The following GBP3 variants were observed in gnomAD, a reference collection of about 807,000 sequenced individuals.
GBP3 encodes the protein guanylate-binding protein 3.
In GBP3, 55 loss-of-function variants were observed where a neutral mutation model predicts 62.4. The observed-to-expected ratio is 0.88, with a 90% CI of 0.71 to 1.10. The LOEUF (loss-of-function observed/expected upper bound fraction) is 1.10, where lower values mean the gene tolerates loss of function less well. Ranked by LOEUF, GBP3 falls within the 50% of genes least tolerant of loss-of-function variation. GBP3 has a pLI of 0.00. For synonymous variants in GBP3, 208 were observed against 259.2 expected (o/e 0.80, Z 1.90); for missense variants, 605 against 690.6 (o/e 0.88, Z 1.39).
At chr1:89,010,564 A>G (rs756618454) in intron 8 of GBP3, among the ~76,000 whole-genome samples, 2 of 138,260 alleles carry the variant, frequency 1.4e-5, no homozygotes, top group Non-Finnish European at 3.3e-5. Context: ...AGGCATGTGC[A>G]ACAGTGCCCA....
At chr1:89,009,200 C>T in intron 9 of GBP3, 60 bp from the exon 10 acceptor site, 1 of 1,531,528 alleles carries the variant, frequency 6.5e-7, no homozygotes. Flanking sequence ...CTTAGTTATA[C>T]ACTTACCCTC....
chr1:89,016,225 T>C (rs149889105), intron 2 of GBP3, among the ~76,000 whole-genome samples: 20 of 152,258 alleles, frequency 1.3e-4, no homozygotes, highest in African/African-American at 4.6e-4. Context: ...AGAATAAAAT[T>C]GGCCAGGCAC....
intron 2 of GBP3, 130 bp downstream of exon 2, chr1:89,020,402 A>C: frequency 9.7e-7 from 1 of 1,030,298 alleles, no homozygotes; most frequent in South Asian, 1.4e-5. Context: ...AGTGAAGATA[A>C]GGAGCCCAAC....
chr1:89,020,220 A>G (rs1032430096), intron 2 of GBP3: 10 of 403,070 alleles, frequency 2.5e-5, no homozygotes, highest in Non-Finnish European at 4.8e-5. Flanking sequence ...GCCTGGGGAA[A>G]GAGCAAGACC....
intron 10 of GBP3, 76 bp downstream of exon 10, chr1:89,008,871 T>C (rs775041863): frequency 1.6e-5 from 25 of 1,605,228 alleles, no homozygotes; most frequent in Non-Finnish European, 2.1e-5. Context: ...ATGTTCGCTC[T>C]GCCATACTAA....
At chr1:89,015,000 G>A (rs751205810) in intron 3 of GBP3, among the ~76,000 whole-genome samples, 3 of 152,280 alleles carry the variant, frequency 2.0e-5, no homozygotes, top group East Asian at 1.9e-4. Context: ...GATAGGACTC[G>A]TGACATTGGA....
chr1:89,022,214 G>A (rs142140379), intron 1 of GBP3, among the ~76,000 whole-genome samples: 3 of 152,226 alleles, frequency 2.0e-5, no homozygotes, highest in African/African-American at 7.2e-5. Flanking sequence ...GTCTATAACC[G>A]TGTCAGTGGG....
At position 89,020,594 on chromosome 1, in the gene GBP3, A is replaced by G. The variant is rs991500788; in HGVS notation, c.128T>C (p.Ile43Thr). 9 of 1,614,012 alleles carry G rather than the reference A, an allele frequency of 5.6e-6. No homozygotes were observed. Among genetic ancestry groups the G allele is most frequent in the African/African-American group, 5.3e-5 (4 of 74,912 alleles). The change falls in exon 2 of 11, where the codon ATT (isoleucine) becomes ACT (threonine). Residue 43 changes from isoleucine (I) to threonine (T), a missense_variant. Physicochemically the swap from Ile to Thr is moderately conservative, Grantham distance 89 (BLOSUM62 -1). This residue lies in a region of GBP3 where 308 missense variants were observed against 318.0 expected (regional missense o/e 0.97). Transcript: ENST00000370481. ...AITQPVVVVAIVGLYRTGKSY... is the reference protein window; with the variant it reads ...AITQPVVVVATVGLYRTGKSY... ...TTTTCCTGTGCGGTAGAGGCCCACA[A>G]TTGCCACCACCACCACAGGCTGTGT...
At chr1:89,008,807 C>G in intron 10 of GBP3, 140 bp downstream of exon 10, 1 of 1,471,460 alleles carries the variant, frequency 6.8e-7, no homozygotes, top group Non-Finnish European at 9.0e-7. Context: ...TCAAGTCAGA[C>G]AGACAGAAAC....
chr1:89,007,595 G>T lies in GBP3; in HGVS notation c.*129C>A, dbSNP rs1458351267. 4.8e-6 allele frequency: 4 copies of T among 838,208 alleles called. No individual in the cohort carries two copies. In the African/African-American group the frequency reaches 5.1e-5, roughly 11 times the overall value. 51.9% of individuals were successfully genotyped at this position (838,208 alleles called of 1,614,324 possible). A position where few individuals can be genotyped will look rare whatever the true frequency, so the allele number is the denominator to read the frequency against. The stretch of plus-strand genomic sequence containing the variant: ...AAAACATGATTTTGATCATTGAACT[G>T]CATGTTCTTGTAAACTTTTAGTGTT... On this transcript the variant is annotated 3_prime_UTR_variant, in exon 11 of 11. Transcript: ENST00000370481.
chr1:89,007,590 G>T lies in GBP3; in HGVS notation c.*134C>A. The T allele has an allele frequency of 1.2e-6, 1 of 810,220 alleles. No homozygotes were observed. Among genetic ancestry groups the T allele is most frequent in the Non-Finnish European group, 2.0e-6 (1 of 509,300 alleles). 50.2% of individuals were successfully genotyped at this position (810,220 alleles called of 1,614,324 possible). A position where few individuals can be genotyped will look rare whatever the true frequency, so the allele number is the denominator to read the frequency against. On this transcript the variant is annotated 3_prime_UTR_variant, in exon 11 of 11. Coordinates refer to ENST00000370481, the MANE Select transcript of GBP3 (RefSeq NM_018284.3). ...AGGAAAAAACATGATTTTGATCATT[G>T]AACTGCATGTTCTTGTAAACTTTTA...
chr1:89,009,347 T>C (rs774363421), intron 9 of GBP3, 45 bp downstream of exon 9: 3 of 1,574,476 alleles, frequency 1.9e-6, no homozygotes, highest in Non-Finnish European at 2.6e-6. Flanking sequence ...TTATTTAAAA[T>C]TTGAAAAGCT....
intron 2 of GBP3, chr1:89,020,302 A>C: frequency 3.4e-6 from 2 of 590,724 alleles, no homozygotes; most frequent in Non-Finnish European, 6.1e-6. Context: ...GAGTAGAACA[A>C]GGAGTTCAAC....
Position 89,011,158 on chromosome 1 carries a change from G to A in GBP3, c.1150-42C>T. 4 of 1,459,522 alleles carry A rather than the reference G, an allele frequency of 2.7e-6. 1 individual carries two copies. The highest frequency in any genetic ancestry group is 1.4e-5 in the African/African-American group (1 of 73,872). 90.4% of individuals were successfully genotyped at this position (1,459,522 alleles called of 1,614,324 possible). A position where few individuals can be genotyped will look rare whatever the true frequency, so the allele number is the denominator to read the frequency against. Reference sequence around the variant, plus strand: ...GGAAGTAAAAAGAGTAACAGGGAAAGGATGTTAGCTTGACCTCAGAATTTT... The same window carrying A: ...GGAAGTAAAAAGAGTAACAGGGAAAAGATGTTAGCTTGACCTCAGAATTTT... On this transcript the variant is annotated intron_variant, in intron 7 of 10. Transcript: ENST00000370481.
intron 2 of GBP3, among the ~76,000 whole-genome samples, chr1:89,017,281 G>C (rs1229862816): frequency 6.7e-6 from 1 of 148,710 alleles, no homozygotes; most frequent in African/African-American, 2.5e-5. Flanking sequence ...TACAACAAAT[G>C]ACATTGGGAA....
At chr1:89,021,544 A>C (rs12043589) in intron 1 of GBP3, among the ~76,000 whole-genome samples, 3,511 of 140,918 alleles carry the variant, frequency 0.025, 77 homozygotes, top group South Asian at 0.065. Flanking sequence ...ACACACACAC[A>C]CCCCAAAAAA....
intron 8 of GBP3, among the ~76,000 whole-genome samples, chr1:89,010,088 A>G (rs1247393491): frequency 2.0e-5 from 3 of 151,984 alleles, no homozygotes; most frequent in Non-Finnish European, 2.9e-5. Context: ...TTATAACTCA[A>G]TAGTTAATTG....
chr1:89,014,106 T>C lies in GBP3; in HGVS notation c.602A>G (p.Glu201Gly). 1 of 1,614,204 alleles carries C rather than the reference T, an allele frequency of 6.2e-7. No individual in the cohort carries two copies. The highest frequency in any genetic ancestry group is 8.5e-7 in the Non-Finnish European group (1 of 1,180,008). Residue 201 changes from glutamate to glycine, a missense_variant, in exon 5 of 11, where the codon GAG becomes GGG. By Grantham distance (98) the Glu-to-Gly change is moderately conservative. Transcript: ENST00000370481. The stretch of plus-strand genomic sequence containing the variant: ...ACCTTGCGTTAGCTTCAGGGAATAC[T>C]CCAGGTACTCATCTGGTGTGAGGGG... The part of the protein sequence containing the change: ...GQPLTPDEYL[E>G]YSLKLTQGTS...
At chr1:89,008,455 G>T (rs1678360617) in intron 10 of GBP3, among the ~76,000 whole-genome samples, 2 of 148,370 alleles carry the variant, frequency 1.3e-5, no homozygotes, top group Non-Finnish European at 3.0e-5. Flanking sequence ...GTGAGGGTTA[G>T]GGAGTCCTTC....
Sources: gnomAD v4.1 joint callset for allele counts (sites outside exome capture counted in the v4.1 genomes callset) on GRCh38, gnomAD v4.1.1 for gene constraint, gnomAD v4.1.1 regional missense constraint, MANE v1.5 for transcripts, NCBI Gene and HGNC (gene_info 2026-07-23, HGNC 2026-07-21) for gene names.